TTC1: variants seen among roughly 807,000 people sequenced by gnomAD.
TTC1 encodes tetratricopeptide repeat domain 1, also known as tetratricopeptide repeat protein 1.
TTC1 carries 31 observed loss-of-function variants against 37.6 expected under a neutral mutation model. That is an observed-to-expected ratio of 0.82 (90% CI 0.62 to 1.11). The LOEUF (loss-of-function observed/expected upper bound fraction) is 1.11. Among genes scored for constraint, TTC1 ranks in the 50% most tolerant of loss-of-function variants. The pLI is 0.00. For synonymous variants in TTC1, 127 were observed against 122.4 expected (o/e 1.04, Z -0.25); for missense variants, 351 against 339.0 (o/e 1.04, Z -0.28).
At chr5:160,010,008 T>C (rs957710108) in intron 1 of TTC1, among the ~76,000 whole-genome samples, 2 of 152,196 alleles carry the variant, frequency 1.3e-5, no homozygotes, top group Admixed American at 1.3e-4. Flanking sequence ...TTGGCACTGT[T>C]TTAGTTTCTG....
At chr5:160,012,084 C>T (rs1756512188) in intron 2 of TTC1, among the ~76,000 whole-genome samples, 1 of 152,182 alleles carries the variant, frequency 6.6e-6, no homozygotes, top group Admixed American at 6.5e-5. Context: ...ACAGCAAATA[C>T]AGCTCAAAAA....
chr5:160,039,787 A>T (rs1307654834), intron 4 of TTC1, among the ~76,000 whole-genome samples: 1 of 152,250 alleles, frequency 6.6e-6, no homozygotes, highest in East Asian at 1.9e-4. Flanking sequence ...ATATAAAGTT[A>T]TACAGATTAC....
At chr5:160,010,197 G>T (rs1345574418) in intron 1 of TTC1, among the ~76,000 whole-genome samples, 2 of 147,668 alleles carry the variant, frequency 1.4e-5, no homozygotes, top group Non-Finnish European at 3.0e-5. Context: ...GGCAGAGGTT[G>T]CAGTGAGCCG....
At chr5:160,045,956 T>C (rs1757232083) in intron 5 of TTC1, among the ~76,000 whole-genome samples, 1 of 152,140 alleles carries the variant, frequency 6.6e-6, no homozygotes, top group South Asian at 2.1e-4. Context: ...TTGGCCAGGC[T>C]GCTCTCGAAC....
At chr5:160,019,580 CTTTTT>C (rs201420281) in intron 2 of TTC1, among the ~76,000 whole-genome samples, 223 of 108,714 alleles carry the variant, frequency 2.1e-3, no homozygotes, top group African/African-American at 7.4e-3. Flanking sequence ...TTCTTTCATT[CTTTTT>C]TTTTTTTTTT....
Position 160,029,980 on chromosome 5 carries a change from C to T in TTC1, c.331-5160C>T, listed in dbSNP as rs530425796. On this transcript the variant is annotated intron_variant, in intron 2 of 7. Coordinates refer to ENST00000231238, the MANE Select transcript of TTC1 (RefSeq NM_003314.3). ...CTGCCCAGGTCTGAGGGCCAAAAAG[C>T]GCTCTACAACACATGAAACCATTTA... Among the ~76,000 whole-genome samples, 14 of 152,232 alleles carry T rather than the reference C, an allele frequency of 9.2e-5. No individual in the cohort carries two copies. The East Asian group carries it at 2.1e-3, about 23-fold the overall frequency.
At chr5:160,033,675 C>T (rs1487728341) in intron 2 of TTC1, among the ~76,000 whole-genome samples, 4 of 152,114 alleles carry the variant, frequency 2.6e-5, no homozygotes, top group Non-Finnish European at 5.9e-5. Flanking sequence ...TAAAGTGTGG[C>T]ACTTGAAAAC....
intron 2 of TTC1, among the ~76,000 whole-genome samples, chr5:160,032,149 A>G (rs1430872838): frequency 6.6e-6 from 1 of 152,208 alleles, no homozygotes; most frequent in East Asian, 1.9e-4. Flanking sequence ...TAAAACATGA[A>G]CACACATACA....
chr5:160,037,092 C>T (rs1438041052), intron 4 of TTC1, among the ~76,000 whole-genome samples: 2 of 152,150 alleles, frequency 1.3e-5, no homozygotes, highest in African/African-American at 4.8e-5. Flanking sequence ...CCAAGCAGTG[C>T]ATGTCCTAGA....
chr5:160,023,386 G>A (rs879586000), intron 2 of TTC1, among the ~76,000 whole-genome samples: 7 of 151,566 alleles, frequency 4.6e-5, no homozygotes, highest in South Asian at 2.1e-4. Flanking sequence ...CTACCTCTGG[G>A]GCTCAAGTGA....
chr5:160,029,712 G>A (rs1285507559), intron 2 of TTC1, among the ~76,000 whole-genome samples: 2 of 152,118 alleles, frequency 1.3e-5, no homozygotes, highest in South Asian at 2.1e-4. Context: ...AAAGTACAAA[G>A]TACAAAGATA....
intron 4 of TTC1, among the ~76,000 whole-genome samples, chr5:160,042,532 G>C (rs1011245461): frequency 4.6e-5 from 7 of 152,218 alleles, no homozygotes; most frequent in Admixed American, 1.3e-4. Flanking sequence ...GCCAGGACCA[G>C]AATTCAGTTC....
intron 5 of TTC1, among the ~76,000 whole-genome samples, chr5:160,047,842 A>C (rs1757291264): frequency 6.6e-6 from 1 of 152,110 alleles, no homozygotes; most frequent in Non-Finnish European, 1.5e-5. Flanking sequence ...CACTTTCTGA[A>C]GTTACCTCAT....
At chr5:160,050,410 G>A (rs2113395224) in intron 6 of TTC1, among the ~76,000 whole-genome samples, 1 of 152,188 alleles carries the variant, frequency 6.6e-6, no homozygotes, top group South Asian at 2.1e-4. Flanking sequence ...TTGCGCCACT[G>A]CACTCCAGTC....
At chr5:160,051,054 C>T (rs1352042902) in intron 6 of TTC1, 75 bp from the exon 7 acceptor site, 24 of 1,242,226 alleles carry the variant, frequency 1.9e-5, no homozygotes, top group Non-Finnish European at 2.7e-5. Context: ...TTGTGTTTCT[C>T]AAATTCAAAA....
chr5:160,058,837 T>A (rs1752828804), intron 7 of TTC1, among the ~76,000 whole-genome samples: 1 of 152,216 alleles, frequency 6.6e-6, no homozygotes. Flanking sequence ...ATCTCAGAGC[T>A]CCTCAGTGAC....
At chr5:160,027,366 T>C (rs143730437) in intron 2 of TTC1, among the ~76,000 whole-genome samples, 104 of 152,312 alleles carry the variant, frequency 6.8e-4, no homozygotes, top group Non-Finnish European at 1.3e-3. Flanking sequence ...CAGTGAAATA[T>C]ATTGATAGAA....
Position 160,065,433 on chromosome 5 carries a change from A to G in TTC1, c.*368A>G, listed in dbSNP as rs762209105. The G allele has an allele frequency of 3.0e-5, 14 of 466,962 alleles. No homozygotes were observed. Among genetic ancestry groups the G allele is most frequent in the South Asian group, 2.2e-4 (14 of 64,604 alleles). The allele number at this position is 466,962 out of a possible 1,614,324, so 28.9% of individuals were successfully genotyped here. A position where few individuals can be genotyped will look rare whatever the true frequency, so the allele number is the denominator to read the frequency against. On this transcript the variant is annotated 3_prime_UTR_variant, in exon 8 of 8. Coordinates refer to ENST00000231238, the MANE Select transcript of TTC1 (RefSeq NM_003314.3). The stretch of plus-strand genomic sequence containing the variant: ...CTGTTGGTTGGGAGACTGCCCAGAC[A>G]TGATTGATGACGGGTTCCCGCCTGC...
intron 5 of TTC1, among the ~76,000 whole-genome samples, chr5:160,048,949 TAAA>T (rs34060683): frequency 1.3e-5 from 2 of 149,954 alleles, no homozygotes; most frequent in Non-Finnish European, 3.0e-5. Context: ...AGACTCCGTC[TAAA>T]AAAAAAAAAT....
Sources: gnomAD v4.1 joint callset for allele counts (sites outside exome capture counted in the v4.1 genomes callset) on GRCh38, gnomAD v4.1.1 for gene constraint, MANE v1.5 for transcripts, NCBI Gene and HGNC (gene_info 2026-07-23, HGNC 2026-07-21) for gene names.